The following PPP1R14C variants were observed in gnomAD, a reference collection of about 807,000 sequenced individuals.
PPP1R14C encodes protein phosphatase 1 regulatory subunit 14C.
Under a neutral mutation model 20.4 loss-of-function variants are expected in PPP1R14C, and 16 were observed. That is an observed-to-expected ratio of 0.78 (90% confidence interval 0.53 to 1.19). PPP1R14C has a LOEUF of 1.19. Among genes scored for constraint, PPP1R14C ranks in the 50% most tolerant of loss-of-function variants. The pLI is 0.00. For synonymous variants in PPP1R14C, 91 were observed against 91.0 expected (o/e 1.00, Z 0.00); for missense variants, 211 against 220.1 (o/e 0.96, Z 0.26).
At chr6:150,238,380 G>T (rs1380119991) in intron 3 of PPP1R14C, among the ~76,000 whole-genome samples, 1 of 152,248 alleles carries the variant, frequency 6.6e-6, no homozygotes, top group Admixed American at 6.5e-5. Context: ...GAAGGAGAGA[G>T]GAGAGGGTGG....
intron 1 of PPP1R14C, among the ~76,000 whole-genome samples, chr6:150,163,959 TTTC>T (rs1777398522): frequency 6.6e-6 from 1 of 152,226 alleles, no homozygotes; most frequent in African/African-American, 2.4e-5. Flanking sequence ...TGTCAGATGA[TTTC>T]TTAAGTAATT....
At chr6:150,217,193 G>A (rs1049591408) in intron 3 of PPP1R14C, among the ~76,000 whole-genome samples, 2 of 148,748 alleles carry the variant, frequency 1.3e-5, no homozygotes, top group Admixed American at 6.7e-5. Flanking sequence ...TTATTGGTAT[G>A]TATTTTTTTT....
intron 1 of PPP1R14C, among the ~76,000 whole-genome samples, chr6:150,149,455 C>CTTTTTTTTTT (rs869244401): frequency 6.8e-4 from 24 of 35,472 alleles, no homozygotes; most frequent in South Asian, 1.1e-3. Flanking sequence ...TTTTTTTTTT[C>CTTTTTTTTTT]TTTTTTTTTT....
At position 150,249,976 on chromosome 6, in the gene PPP1R14C, G is replaced by A. The variant is rs762056741; in HGVS notation, c.*1156G>A. ...ACTCTGGGTGCTCCTGGCCCTAATTGTGCACCCTGATCCCCGTGCTTGGAG... is the reference window on the plus strand; with the variant it reads ...ACTCTGGGTGCTCCTGGCCCTAATTATGCACCCTGATCCCCGTGCTTGGAG... On this transcript the variant is annotated 3_prime_UTR_variant, in exon 4 of 4. Transcript: ENST00000361131. 6.4e-6 allele frequency: 1 copy of A among 155,080 alleles called. No homozygotes were observed. The highest frequency in any genetic ancestry group is 1.4e-5 in the Non-Finnish European group (1 of 70,026). The allele number at this position is 155,080 out of a possible 1,614,324, so 9.6% of individuals were successfully genotyped here.
intron 1 of PPP1R14C, among the ~76,000 whole-genome samples, chr6:150,156,396 TCA>T (rs1187363426): frequency 6.6e-6 from 1 of 152,250 alleles, no homozygotes; most frequent in Non-Finnish European, 1.5e-5. Flanking sequence ...AATGATGTTT[TCA>T]CTCAAGTCCT....
chr6:150,221,446 A>G (rs541909503), intron 3 of PPP1R14C, among the ~76,000 whole-genome samples: 3 of 152,328 alleles, frequency 2.0e-5, no homozygotes, highest in East Asian at 3.9e-4. Flanking sequence ...ATGCCTATCA[A>G]TTAATGGTGT....
chr6:150,194,780 A>T lies in PPP1R14C; in HGVS notation c.307-19964A>T, dbSNP rs937573878. 5 of 985,140 alleles carry T rather than the reference A, an allele frequency of 5.1e-6. No homozygotes were observed. In the African/African-American group the frequency reaches 8.7e-5, roughly 17 times the overall value. The allele number at this position is 985,140 out of a possible 1,614,324, so 61.0% of individuals were successfully genotyped here. ...GTTTAAGACCCTGTTTTGTTTGACCACTGCTTGGGGGTTGATGTTTGTTAT... is the reference window on the plus strand; with the variant it reads ...GTTTAAGACCCTGTTTTGTTTGACCTCTGCTTGGGGGTTGATGTTTGTTAT... On this transcript the variant is annotated intron_variant, in intron 1 of 3. Coordinates refer to ENST00000361131, the MANE Select transcript of PPP1R14C (RefSeq NM_030949.3).
intron 1 of PPP1R14C, among the ~76,000 whole-genome samples, chr6:150,156,318 A>T (rs1777305751): frequency 6.6e-6 from 1 of 151,836 alleles, no homozygotes; most frequent in Non-Finnish European, 1.5e-5. Flanking sequence ...TATCATTGAC[A>T]TGGTAGAAGT....
At chr6:150,214,601 C>A in intron 1 of PPP1R14C, 143 bp from the exon 2 acceptor site, 2 of 609,344 alleles carry the variant, frequency 3.3e-6, no homozygotes. Flanking sequence ...CCTCCTCTCC[C>A]CCTAGCCTCT....
At chr6:150,248,102 A>G (rs1778515659) in intron 3 of PPP1R14C, among the ~76,000 whole-genome samples, 2 of 152,144 alleles carry the variant, frequency 1.3e-5, no homozygotes, top group South Asian at 4.1e-4. Context: ...TTCTTCTTAT[A>G]AAGTCACCAG....
rs1777136566 is a variant in PPP1R14C at position 150,143,253 on chromosome 6, G to A, written c.61G>A (p.Val21Ile). The change falls in exon 1 of 4, where the codon GTT becomes ATT. Residue 21 changes from valine (V) to isoleucine (I), a missense_variant. Coordinates refer to ENST00000361131, the MANE Select transcript of PPP1R14C (RefSeq NM_030949.3). This position sits in a 1 kb window ranked among gnomAD's most constrained non-coding sequence, Gnocchi z 5.6. ...CGGGGCCAGCGGCGGCGGCGCACGG[G>A]TTTTCTTCCAAAGCCCCCGGGGTGG... ...AGGASGGGAR[V>I]FFQSPRGGAG... is the part of the protein sequence containing the mutation. 5 of 1,445,306 alleles carry A rather than the reference G, an allele frequency of 3.5e-6. No homozygotes were observed. The highest frequency in any genetic ancestry group is 4.5e-6 in the Non-Finnish European group (5 of 1,111,228). The allele number at this position is 1,445,306 out of a possible 1,614,324, so 89.5% of individuals were successfully genotyped here.
At chr6:150,174,395 T>C (rs1208858214) in intron 1 of PPP1R14C, among the ~76,000 whole-genome samples, 1 of 150,766 alleles carries the variant, frequency 6.6e-6, no homozygotes, top group Non-Finnish European at 1.5e-5. Flanking sequence ...AATCTGTATT[T>C]TTAGTAGAGA....
chr6:150,242,889 C>G (rs2114933551), intron 3 of PPP1R14C, among the ~76,000 whole-genome samples: 1 of 152,200 alleles, frequency 6.6e-6, no homozygotes, highest in East Asian at 1.9e-4. Flanking sequence ...TATTGTATTT[C>G]TCTATACCAG....
Position 150,174,703 on chromosome 6 carries a change from G to A in PPP1R14C, c.306+31205G>A, listed in dbSNP as rs1024725715. On this transcript the variant is annotated intron_variant, in intron 1 of 3. Transcript: ENST00000361131. ...GTGAAAGCTGGGCGCAGTGGCTCAC[G>A]CCTGTAATCCCAGCACTTTGGGAGG... 1.1e-4 allele frequency among the ~76,000 whole-genome samples: 16 copies of A among 150,982 alleles called. 1 individual carries two copies. Among genetic ancestry groups the A allele is most frequent in the Admixed American group, 6.0e-4 (9 of 15,124 alleles).
chr6:150,198,190 T>C (rs1777831082), intron 1 of PPP1R14C, among the ~76,000 whole-genome samples: 1 of 147,362 alleles, frequency 6.8e-6, no homozygotes, highest in African/African-American at 2.5e-5. Context: ...CCCGGCTTTG[T>C]GTGCCCCTGG....
chr6:150,178,446 C>T (rs1777586699), intron 1 of PPP1R14C, among the ~76,000 whole-genome samples: 1 of 152,176 alleles, frequency 6.6e-6, no homozygotes, highest in South Asian at 2.1e-4. Context: ...GGAGGGCGGT[C>T]ACAGCAGGTG....
chr6:150,238,717 G>C (rs750683308), intron 3 of PPP1R14C, among the ~76,000 whole-genome samples: 3 of 152,262 alleles, frequency 2.0e-5, no homozygotes, highest in Non-Finnish European at 4.4e-5. Context: ...CACTTGAGTA[G>C]AGTCTGGCAT....
intron 1 of PPP1R14C, among the ~76,000 whole-genome samples, chr6:150,151,083 G>C (rs757169468): frequency 2.6e-5 from 4 of 151,712 alleles, no homozygotes; most frequent in Non-Finnish European, 5.9e-5. Flanking sequence ...GCTGTTTTTG[G>C]ATGATAAGAC....
chr6:150,190,135 G>A (rs1042739099), intron 1 of PPP1R14C, among the ~76,000 whole-genome samples: 1 of 151,954 alleles, frequency 6.6e-6, no homozygotes, highest in Non-Finnish European at 1.5e-5. Flanking sequence ...ATATTTTGAG[G>A]TTCTGTCTCA....
Sources: allele counts gnomAD v4.1 joint callset (sites outside exome capture counted in the v4.1 genomes callset), GRCh38; gene constraint gnomAD v4.1.1; non-coding constraint Gnocchi (gnomAD v3.1); transcripts MANE v1.5; gene names NCBI Gene and HGNC (gene_info 2026-07-23, HGNC 2026-07-21).